Variants in RAD51B observed in about 807,000 individuals in gnomAD.
The protein encoded by RAD51B is RAD51 paralog B.
Under a neutral mutation model 42.2 loss-of-function variants are expected in RAD51B, and 38 were observed. The ratio of observed to expected loss-of-function variants is 0.90; its 90% CI spans 0.70 to 1.18. The LOEUF (loss-of-function observed/expected upper bound fraction) is 1.18. Among genes scored for constraint, RAD51B ranks in the 50% most tolerant of loss-of-function variants. The probability of loss-of-function intolerance (pLI) is 0.00; values close to 1 mark genes in which losing one functional copy is unlikely to be tolerated. For missense variants in RAD51B, 373 were observed against 400.7 expected, an observed-to-expected ratio of 0.93 and a Z score of 0.59; for synonymous variants, 154 against 145.2, an observed-to-expected ratio of 1.06 and a Z score of -0.43.
intron 7 of RAD51B, among the ~76,000 whole-genome samples, chr14:67,996,359 G>A (rs963520356): frequency 1.3e-5 from 2 of 151,576 alleles, no homozygotes; most frequent in African/African-American, 4.9e-5. Flanking sequence ...TCATGACACT[G>A]CACTCCAGCC....
chr14:68,184,487 C>T (rs1004324252), intron 7 of RAD51B, among the ~76,000 whole-genome samples: 1 of 151,842 alleles, frequency 6.6e-6, no homozygotes, highest in African/African-American at 2.4e-5. Context: ...TCAAACAATC[C>T]ACCTGCCTCA....
chr14:67,881,958 G>A (rs2042920546), intron 5 of RAD51B, among the ~76,000 whole-genome samples: 1 of 152,038 alleles, frequency 6.6e-6, no homozygotes. Flanking sequence ...TTCTTGAAAA[G>A]CTCTCTTCCC....
intron 7 of RAD51B, among the ~76,000 whole-genome samples, chr14:68,039,215 G>A (rs565815799): frequency 7.2e-5 from 11 of 152,020 alleles, no homozygotes; most frequent in Non-Finnish European, 1.5e-4. Context: ...AGATCACAAG[G>A]TCAGGAGATC....
intron 8 of RAD51B, among the ~76,000 whole-genome samples, chr14:68,378,634 C>G (rs1160431480): frequency 6.6e-6 from 1 of 151,456 alleles, no homozygotes; most frequent in Non-Finnish European, 1.5e-5. Context: ...AGTTATCATG[C>G]TGTATTTTAA....
At chr14:68,579,194 T>A (rs1029809198) in intron 10 of RAD51B, among the ~76,000 whole-genome samples, 1 of 152,152 alleles carries the variant, frequency 6.6e-6, no homozygotes, top group African/African-American at 2.4e-5. Flanking sequence ...TCTAGGGGCC[T>A]CCCAGAAGCA....
chr14:68,020,625 C>T (rs1053385607), intron 7 of RAD51B, among the ~76,000 whole-genome samples: 2 of 151,960 alleles, frequency 1.3e-5, no homozygotes, highest in African/African-American at 4.8e-5. Context: ...ATTCATATTA[C>T]TTATATATAT....
intron 7 of RAD51B, among the ~76,000 whole-genome samples, chr14:68,256,363 C>T (rs2080753918): frequency 6.6e-6 from 1 of 152,164 alleles, no homozygotes; most frequent in Admixed American, 6.5e-5. Context: ...ATTCGGGTGT[C>T]TGTAGTCACC....
chr14:68,281,077 A>G (rs1177986512), intron 7 of RAD51B, among the ~76,000 whole-genome samples: 2 of 152,160 alleles, frequency 1.3e-5, no homozygotes, highest in East Asian at 1.9e-4. Context: ...GAAAAAAAAA[A>G]TAGAAGAAAA....
At chr14:68,485,525 T>TA (rs543976060) in intron 10 of RAD51B, among the ~76,000 whole-genome samples, 127 of 152,250 alleles carry the variant, frequency 8.3e-4, no homozygotes, top group African/African-American at 2.9e-3. Flanking sequence ...TCTTTGGAGT[T>TA]ACTTCCTTTT....
intron 8 of RAD51B, among the ~76,000 whole-genome samples, chr14:68,320,760 T>C (rs2082142591): frequency 6.6e-6 from 1 of 152,236 alleles, no homozygotes; most frequent in South Asian, 2.1e-4. Context: ...TTTATGAAGT[T>C]AGCCCTTCCA....
intron 5 of RAD51B, among the ~76,000 whole-genome samples, chr14:67,876,818 T>G (rs8016246): frequency 0.051 from 7,800 of 152,130 alleles, 458 homozygotes; most frequent in African/African-American, 0.15. Context: ...GGGAAGTCGG[T>G]GGTGTTTTAC....
intron 8 of RAD51B, among the ~76,000 whole-genome samples, chr14:68,373,092 G>A (rs1312556121): frequency 1.3e-5 from 2 of 152,220 alleles, no homozygotes; most frequent in Admixed American, 6.5e-5. Context: ...CTATCTCTGT[G>A]AATCTCACAA....
At chr14:68,116,939 C>A (rs1049809738) in intron 7 of RAD51B, among the ~76,000 whole-genome samples, 4 of 152,098 alleles carry the variant, frequency 2.6e-5, no homozygotes, top group African/African-American at 9.7e-5. Context: ...TTATGTAACA[C>A]TTCATGTTTA....
chr14:68,537,978 T>C (rs1887738527), intron 10 of RAD51B, among the ~76,000 whole-genome samples: 1 of 152,244 alleles, frequency 6.6e-6, no homozygotes, highest in East Asian at 1.9e-4. Context: ...CATCAAGATG[T>C]CTTCATTTCT....
chr14:68,324,841 CCA>C (rs1457837174), intron 8 of RAD51B, among the ~76,000 whole-genome samples: 1 of 152,250 alleles, frequency 6.6e-6, no homozygotes, highest in East Asian at 1.9e-4. Context: ...ATGCTCACCC[CCA>C]GTTATTCCTC....
chr14:68,211,633 T>C (rs905137038), intron 7 of RAD51B, among the ~76,000 whole-genome samples: 1 of 152,164 alleles, frequency 6.6e-6, no homozygotes, highest in African/African-American at 2.4e-5. Flanking sequence ...AATTAATATA[T>C]AAAACCATCA....
intron 7 of RAD51B, among the ~76,000 whole-genome samples, chr14:68,284,453 G>C (rs1170659638): frequency 6.6e-6 from 1 of 152,192 alleles, no homozygotes; most frequent in African/African-American, 2.4e-5. Flanking sequence ...ACACTTTTAG[G>C]TACAGAGAGG....
At chr14:68,095,358 T>C (rs1031445870) in intron 7 of RAD51B, among the ~76,000 whole-genome samples, 3 of 152,172 alleles carry the variant, frequency 2.0e-5, no homozygotes, top group African/African-American at 7.2e-5. Flanking sequence ...ACCAGTGCTC[T>C]TGAAGAGTAT....
intron 4 of RAD51B, among the ~76,000 whole-genome samples, chr14:67,845,499 C>G (rs1380216724): frequency 2.6e-5 from 4 of 151,984 alleles, no homozygotes; most frequent in Non-Finnish European, 4.4e-5. Context: ...GAAACCCTGT[C>G]TCTACAAAAA....
Sources: allele counts gnomAD v4.1 joint callset (sites outside exome capture counted in the v4.1 genomes callset), GRCh38; gene constraint gnomAD v4.1.1; transcripts MANE v1.5; gene names NCBI Gene and HGNC (gene_info 2026-07-23, HGNC 2026-07-21).